Variants in SPATS2L observed in about 807,000 individuals in gnomAD.
The protein encoded by SPATS2L is spermatogenesis associated serine rich 2 like.
A neutral mutation model predicts 59.6 loss-of-function variants in SPATS2L; 30 were observed. That is an observed-to-expected ratio of 0.50 (90% CI 0.38 to 0.68). SPATS2L has a LOEUF of 0.68. Ranked by LOEUF, SPATS2L falls within the 30% of genes least tolerant of loss-of-function variation. The pLI, the probability that SPATS2L is intolerant of heterozygous loss-of-function variation, is 0.00. For synonymous variants in SPATS2L, 252 were observed against 263.5 expected (o/e 0.96, Z 0.42); for missense variants, 615 against 700.0 (o/e 0.88, Z 1.37).
intron 1 of SPATS2L, among the ~76,000 whole-genome samples, chr2:200,322,969 T>C (rs1318721779): frequency 1.3e-5 from 2 of 152,204 alleles, no homozygotes; most frequent in Admixed American, 1.3e-4. Flanking sequence ...TGTCTTAGGA[T>C]TATTCTGGTT....
At chr2:200,333,116 C>T (rs1246526142) in intron 2 of SPATS2L, among the ~76,000 whole-genome samples, 1 of 150,378 alleles carries the variant, frequency 6.6e-6, no homozygotes, top group Non-Finnish European at 1.5e-5. Flanking sequence ...CTCTTTTCTA[C>T]AAATACAAAA....
intron 1 of SPATS2L, among the ~76,000 whole-genome samples, chr2:200,307,614 G>C (rs2079067978): frequency 6.6e-6 from 1 of 152,232 alleles, no homozygotes; most frequent in Non-Finnish European, 1.5e-5. Flanking sequence ...ACCCCAGCGG[G>C]AGACGGGGTT....
At chr2:200,455,411 C>T (rs1012100601) in intron 8 of SPATS2L, among the ~76,000 whole-genome samples, 6 of 152,106 alleles carry the variant, frequency 3.9e-5, no homozygotes, top group Non-Finnish European at 1.5e-5. Context: ...GTTTCAAGCC[C>T]CTGTGGCAAG....
chr2:200,321,721 G>A (rs11903565), intron 1 of SPATS2L, among the ~76,000 whole-genome samples: 93 of 152,234 alleles, frequency 6.1e-4, no homozygotes, highest in East Asian at 2.1e-3. Context: ...ATTACTAATC[G>A]CATTTTATGG....
intron 2 of SPATS2L, among the ~76,000 whole-genome samples, chr2:200,342,452 G>A (rs570845006): frequency 5.9e-5 from 9 of 152,214 alleles, no homozygotes; most frequent in Non-Finnish European, 1.0e-4. Flanking sequence ...ACAGGGGAGT[G>A]AAGCCTTCCT....
In SPATS2L at chr2:200,479,162, G is replaced by A. The variant is rs1192892763; in HGVS notation, c.*1131G>A. The A allele has an allele frequency of 3.7e-5, 6 of 160,750 alleles. No individual in the cohort carries two copies. The highest frequency in any genetic ancestry group is 2.0e-4 in the South Asian group (1 of 4,892). 10.0% of individuals were successfully genotyped at this position (160,750 alleles called of 1,614,324 possible). ...AGGTGATCCACCTGCTTTGGCCTCC[G>A]AAACTGCCGGAATTACAGGCATGAG... On this transcript the variant is annotated 3_prime_UTR_variant, in exon 13 of 13. Transcript: ENST00000409140.
At chr2:200,349,538 T>G (rs2080645564) in intron 2 of SPATS2L, among the ~76,000 whole-genome samples, 1 of 152,214 alleles carries the variant, frequency 6.6e-6, no homozygotes, top group Non-Finnish European at 1.5e-5. Context: ...CTTGGAAGTC[T>G]GAGGCATGAG....
At chr2:200,332,632 A>G (rs1403374125) in intron 2 of SPATS2L, among the ~76,000 whole-genome samples, 2 of 152,194 alleles carry the variant, frequency 1.3e-5, no homozygotes, top group African/African-American at 4.8e-5. Context: ...TACTGAGAGA[A>G]TAAATCTAGT....
At chr2:200,420,052 A>T (rs1034227701) in intron 6 of SPATS2L, among the ~76,000 whole-genome samples, 8 of 152,296 alleles carry the variant, frequency 5.3e-5, no homozygotes, top group Admixed American at 3.3e-4. Flanking sequence ...TTTTTATATG[A>T]TGTGACAGAA....
At position 200,341,826 on chromosome 2, in the gene SPATS2L, A is replaced by G. The variant is rs1031827377; in HGVS notation, c.-23+12346A>G. On this transcript the variant is annotated intron_variant, in intron 2 of 12. Transcript: ENST00000409140. ...TGCCTCAGCCTCCCGAGTAGCTGGG[A>G]CTACAGGTGCCTGCCACCACGCCCA... Among the ~76,000 whole-genome samples the G allele has an allele frequency of 4.0e-5, 6 of 151,568 alleles. No homozygotes were observed. In the South Asian group the frequency reaches 1.3e-3, roughly 32 times the overall value.
chr2:200,460,846 C>G (rs1343646984), intron 9 of SPATS2L: 2 of 151,138 alleles, frequency 1.3e-5, no homozygotes, highest in African/African-American at 4.9e-5. Flanking sequence ...AGAGTCTCAC[C>G]CTGTCACCCA....
At chr2:200,322,064 A>G (rs2079579156) in intron 1 of SPATS2L, among the ~76,000 whole-genome samples, 1 of 152,226 alleles carries the variant, frequency 6.6e-6, no homozygotes, top group East Asian at 1.9e-4. Flanking sequence ...TTGGTGCCAC[A>G]TGAAAGATAG....
At chr2:200,422,250 A>T (rs1388280766) in intron 6 of SPATS2L, among the ~76,000 whole-genome samples, 7 of 152,246 alleles carry the variant, frequency 4.6e-5, no homozygotes, top group Non-Finnish European at 7.3e-5. Context: ...GTTAAAGAGT[A>T]AATGAGCCAG....
intron 3 of SPATS2L, among the ~76,000 whole-genome samples, chr2:200,392,119 G>A (rs1297938365): frequency 6.6e-6 from 1 of 151,960 alleles, no homozygotes; most frequent in Non-Finnish European, 1.5e-5. Flanking sequence ...GTGTCTTTTT[G>A]TATGCTGATG....
chr2:200,308,931 C>G (rs1264135687), intron 1 of SPATS2L: 9 of 656,316 alleles, frequency 1.4e-5, no homozygotes, highest in Non-Finnish European at 2.5e-5. Context: ...TTTCTGCATG[C>G]ACTGATTTTC....
intron 1 of SPATS2L, among the ~76,000 whole-genome samples, chr2:200,317,990 G>A (rs2079435392): frequency 6.6e-6 from 1 of 152,176 alleles, no homozygotes. Flanking sequence ...AAAAGCTTTA[G>A]TATGCTAAGG....
chr2:200,325,535 C>T (rs568720356), intron 1 of SPATS2L, among the ~76,000 whole-genome samples: 4 of 152,172 alleles, frequency 2.6e-5, no homozygotes, highest in East Asian at 1.9e-4. Flanking sequence ...CACACCACCA[C>T]GCCTGGCTAA....
At position 200,480,951 on chromosome 2, in the gene SPATS2L, A is replaced by T. The variant is rs1330411503; in HGVS notation, c.*2920A>T. On this transcript the variant is annotated 3_prime_UTR_variant, in exon 13 of 13. Transcript: ENST00000409140. ...TAGAGGTTAAAATAGTTTAATCCTT[A>T]TGAAGATGGAATAACTTCAAACTCA... 1 of 152,208 alleles carries T rather than the reference A, an allele frequency of 6.6e-6. No individual in the cohort carries two copies. Among genetic ancestry groups the T allele is most frequent in the Non-Finnish European group, 1.5e-5 (1 of 68,032 alleles). The allele number at this position is 152,208 out of a possible 1,614,324, so 9.4% of individuals were successfully genotyped here. A position where few individuals can be genotyped will look rare whatever the true frequency, so the allele number is the denominator to read the frequency against.
intron 1 of SPATS2L, among the ~76,000 whole-genome samples, chr2:200,308,113 C>T (rs2079086418): frequency 6.6e-6 from 1 of 151,952 alleles, no homozygotes; most frequent in African/African-American, 2.4e-5. Context: ...ACCTTTTTAA[C>T]ATCGTTTTAG....
Sources: allele counts gnomAD v4.1 joint callset (sites outside exome capture counted in the v4.1 genomes callset), GRCh38; gene constraint gnomAD v4.1.1; transcripts MANE v1.5; gene names NCBI Gene and HGNC (gene_info 2026-07-23, HGNC 2026-07-21).